GPHN: variants seen among roughly 807,000 people sequenced by gnomAD.
GPHN encodes gephyrin.
In GPHN, 17 loss-of-function variants were observed where a neutral mutation model predicts 95.5. The ratio of observed to expected loss-of-function variants is 0.18; its 90% CI spans 0.12 to 0.27. GPHN has a LOEUF of 0.27. GPHN is among the 10% of genes least tolerant of loss of function. GPHN has a pLI of 1.00. For missense variants in GPHN, 660 were observed against 978.1 expected, an observed-to-expected ratio of 0.67 and a Z score of 4.34; for synonymous variants, 320 against 322.5, an observed-to-expected ratio of 0.99 and a Z score of 0.08.
At chr14:66,853,615 A>G (rs2062684583) in intron 4 of GPHN, among the ~76,000 whole-genome samples, 1 of 152,302 alleles carries the variant, frequency 6.6e-6, no homozygotes, top group South Asian at 2.1e-4. Context: ...ATTCAATACC[A>G]CAAGAACCAA....
intron 8 of GPHN, among the ~76,000 whole-genome samples, chr14:66,941,706 T>C (rs1318218540): frequency 6.6e-6 from 1 of 151,244 alleles, no homozygotes; most frequent in African/African-American, 2.5e-5. Flanking sequence ...AACTTGTTTC[T>C]CCAATTGCAT....
chr14:67,344,133 T>A, the GPHN span, among the ~76,000 whole-genome samples: 1 of 152,260 alleles, frequency 6.6e-6, no homozygotes, highest in Non-Finnish European at 1.5e-5. Flanking sequence ...ATGATTTACT[T>A]GCATGTAGAA....
In GPHN at chr14:67,050,984, T is replaced by A. The variant is rs556678532; in HGVS notation, c.1007-7665T>A. 9.1e-4 allele frequency among the ~76,000 whole-genome samples: 129 copies of A among 142,470 alleles called. 1 individual carries two copies. The highest frequency in any genetic ancestry group is 1.1e-3 in the Non-Finnish European group (68 of 64,522). 93.5% of individuals were successfully genotyped at this position (142,470 alleles called of 152,430 possible). ...CTGTGCAACCCACAGATCAGGAGAT[T>A]CCCCTCATAAGTCCACACCACCCAG... On this transcript the variant is annotated intron_variant, in intron 10 of 22. Coordinates refer to ENST00000478722, the MANE Select transcript of GPHN (RefSeq NM_020806.5).
At chr14:67,578,341 G>A in the GPHN span, 1,008 of 805,820 alleles carry the variant, frequency 1.3e-3, 8 homozygotes, top group Non-Finnish European at 1.7e-3. This position sits in a 1 kb window ranked among gnomAD's most constrained non-coding sequence, Gnocchi z 5.0. Flanking sequence ...CATCAGTACG[G>A]CTGAGCTGTC....
chr14:67,550,036 T>G, the GPHN span, among the ~76,000 whole-genome samples: 1 of 152,284 alleles, frequency 6.6e-6, no homozygotes, highest in South Asian at 2.1e-4. Context: ...GTTCTGGGGT[T>G]GTGGGGTACA....
At chr14:67,569,422 G>A in the GPHN span, among the ~76,000 whole-genome samples, 11 of 152,348 alleles carry the variant, frequency 7.2e-5, no homozygotes, top group South Asian at 2.1e-3. Context: ...CCCATCACAG[G>A]AAAGTAGCCA....
At chr14:67,122,185 A>AT (rs199874731) in intron 16 of GPHN, 71 bp from the exon 17 acceptor site, 1,283 of 1,480,748 alleles carry the variant, frequency 8.7e-4, no homozygotes, top group African/African-American at 9.6e-4. Context: ...AGTTTAGTAG[A>AT]TTTTTTTTTC....
At chr14:66,542,757 A>C (rs547505703) in intron 1 of GPHN, among the ~76,000 whole-genome samples, 1 of 152,340 alleles carries the variant, frequency 6.6e-6, no homozygotes, top group Admixed American at 6.5e-5. Flanking sequence ...ACTCCTTGAA[A>C]GGATTATCTG....
At chr14:67,101,637 A>T (rs923828631) in intron 13 of GPHN, among the ~76,000 whole-genome samples, 2 of 151,470 alleles carry the variant, frequency 1.3e-5, no homozygotes, top group Admixed American at 6.6e-5. Context: ...TTCCATTTTG[A>T]TTTCTTCAAA....
At chr14:67,600,104 G>A in the GPHN span, 1 of 1,596,394 alleles carries the variant, frequency 6.3e-7, no homozygotes, top group Non-Finnish European at 8.5e-7. Context: ...GAGAGCCGAG[G>A]GCAGCTGAGG....
chr14:66,579,285 A>C (rs2061047660), intron 1 of GPHN, among the ~76,000 whole-genome samples: 1 of 151,884 alleles, frequency 6.6e-6, no homozygotes, highest in Admixed American at 6.6e-5. Context: ...GAGTGGAAGA[A>C]AGGAACAAAA....
At chr14:67,303,452 T>C in the GPHN span, 1 of 1,235,856 alleles carries the variant, frequency 8.1e-7, no homozygotes, top group Non-Finnish European at 1.2e-6. Context: ...TTAGGGAATA[T>C]AGATCATAAA....
the GPHN span, among the ~76,000 whole-genome samples, chr14:67,662,867 C>T: frequency 6.9e-6 from 1 of 144,116 alleles, no homozygotes; most frequent in African/African-American, 2.6e-5. Flanking sequence ...TGCGCCATTG[C>T]ACTCCAGCCT....
chr14:66,790,458 G>C (rs1247234464), intron 3 of GPHN, among the ~76,000 whole-genome samples: 2 of 152,210 alleles, frequency 1.3e-5, no homozygotes, highest in Non-Finnish European at 2.9e-5. Flanking sequence ...GCCTAGAGCA[G>C]TAAATTTTGA....
chr14:67,676,914 CATT>C, the GPHN span: 1 of 152,076 alleles, frequency 6.6e-6, no homozygotes, highest in Non-Finnish European at 1.5e-5. Flanking sequence ...TTAAGTAAAA[CATT>C]AATTCATTTA....
chr14:67,234,493 A>G, the GPHN span, among the ~76,000 whole-genome samples: 1 of 152,176 alleles, frequency 6.6e-6, no homozygotes, highest in African/African-American at 2.4e-5. Flanking sequence ...CAGTGACTTT[A>G]CATGTCAAGT....
chr14:67,047,518 A>G (rs1343739204), intron 10 of GPHN, among the ~76,000 whole-genome samples: 1 of 151,558 alleles, frequency 6.6e-6, no homozygotes, highest in Non-Finnish European at 1.5e-5. Flanking sequence ...GGCTCCTGAC[A>G]CCATGCATGA....
the GPHN span, among the ~76,000 whole-genome samples, chr14:67,707,434 A>T: frequency 6.6e-6 from 1 of 152,176 alleles, no homozygotes; most frequent in East Asian, 1.9e-4. Flanking sequence ...GCAAGAATAT[A>T]TATATATTTT....
At chr14:67,259,520 G>T in the GPHN span, among the ~76,000 whole-genome samples, 2 of 152,112 alleles carry the variant, frequency 1.3e-5, no homozygotes, top group African/African-American at 2.4e-5. Flanking sequence ...GCTGAGGCAG[G>T]AGAATTGCGT....
Sources: gnomAD v4.1 joint callset for allele counts (sites outside exome capture counted in the v4.1 genomes callset) on GRCh38, gnomAD v4.1.1 for gene constraint, Gnocchi (gnomAD v3.1) non-coding constraint, MANE v1.5 for transcripts, NCBI Gene and HGNC (gene_info 2026-07-23, HGNC 2026-07-21) for gene names.